Variants in TRMT9B observed in about 807,000 individuals in gnomAD.
TRMT9B encodes tRNA methyltransferase 9B (putative).
In TRMT9B, 16 loss-of-function variants were observed where a neutral mutation model predicts 11.5. That is an observed-to-expected ratio of 1.39 (90% CI 0.94 to 2.11). TRMT9B has a LOEUF of 2.11. TRMT9B is among the 30% of genes most tolerant of loss of function. The probability of loss-of-function intolerance (pLI) is 0.00; values close to 1 mark genes in which losing one functional copy is unlikely to be tolerated. For missense variants in TRMT9B, 941 were observed against 553.8 expected (o/e 1.70, Z -7.02); for synonymous variants, 274 against 192.4 (o/e 1.42, Z -3.51).
intron 3 of TRMT9B, chr8:13,011,278 G>T (rs759156410): frequency 1.4e-5 from 14 of 984,806 alleles, no homozygotes; most frequent in African/African-American, 1.7e-5. Context: ...GAGCCACCGC[G>T]CCAGACCCCA....
chr8:13,016,411 A>G (rs941067831), intron 4 of TRMT9B, among the ~76,000 whole-genome samples: 2 of 148,166 alleles, frequency 1.3e-5, no homozygotes, highest in Admixed American at 1.4e-4. Flanking sequence ...TAATATATAT[A>G]AAAGGAAGTA....
chr8:12,994,510 C>A (rs1026659917), intron 2 of TRMT9B, among the ~76,000 whole-genome samples: 2 of 152,114 alleles, frequency 1.3e-5, no homozygotes, highest in African/African-American at 4.8e-5. Context: ...ACATCAAGTG[C>A]CCGGAGGTGA....
intron 2 of TRMT9B, among the ~76,000 whole-genome samples, chr8:12,996,471 T>C (rs1471971719): frequency 6.6e-6 from 1 of 152,232 alleles, no homozygotes; most frequent in Non-Finnish European, 1.5e-5. Flanking sequence ...CAGCACTTTC[T>C]GTATATACTA....
chr8:13,013,488 T>G (rs979060410), intron 4 of TRMT9B, among the ~76,000 whole-genome samples: 10 of 152,044 alleles, frequency 6.6e-5, no homozygotes, highest in African/African-American at 9.7e-5. Context: ...GGGGAAAAAA[T>G]CCATGCCTGA....
intron 1 of TRMT9B, among the ~76,000 whole-genome samples, chr8:12,969,123 G>A (rs1803227484): frequency 6.6e-6 from 1 of 152,198 alleles, no homozygotes; most frequent in African/African-American, 2.4e-5. Flanking sequence ...TGAGGCAGGA[G>A]AATCGCTTGG....
intron 1 of TRMT9B, among the ~76,000 whole-genome samples, chr8:12,987,221 T>A (rs1299367973): frequency 2.6e-5 from 4 of 152,220 alleles, no homozygotes; most frequent in Admixed American, 2.6e-4. Flanking sequence ...CTCCTTCTTA[T>A]CTGTAAAATG....
intron 1 of TRMT9B, among the ~76,000 whole-genome samples, chr8:12,970,814 C>A (rs1803499012): frequency 6.6e-6 from 1 of 152,120 alleles, no homozygotes; most frequent in Non-Finnish European, 1.5e-5. Flanking sequence ...TTAGTCTGTA[C>A]AGGGTAACAC....
intron 1 of TRMT9B, among the ~76,000 whole-genome samples, chr8:12,956,623 AGTAAT>A (rs532591929): frequency 1.1e-4 from 17 of 152,358 alleles, no homozygotes; most frequent in African/African-American, 3.6e-4. Context: ...AAAGGAAGAA[AGTAAT>A]GTACTGAGAG....
At chr8:12,963,196 G>A (rs1437864474) in intron 1 of TRMT9B, among the ~76,000 whole-genome samples, 4 of 152,162 alleles carry the variant, frequency 2.6e-5, no homozygotes, top group African/African-American at 9.7e-5. Flanking sequence ...CACTTTGGGA[G>A]GCCAAGGTGG....
intron 2 of TRMT9B, among the ~76,000 whole-genome samples, chr8:12,992,902 G>T (rs184957937): frequency 1.6e-3 from 236 of 152,184 alleles, no homozygotes; most frequent in Non-Finnish European, 2.9e-3. Flanking sequence ...GTCCTGGAAT[G>T]GATGATTTTT....
Position 13,021,963 on chromosome 8 carries a change from G to A in TRMT9B, c.1284G>A (p.Val428=), listed in dbSNP as rs776008562. 1 of 1,613,658 alleles carries A rather than the reference G, an allele frequency of 6.2e-7. No homozygotes were observed. The highest frequency in any genetic ancestry group is 1.1e-5 in the South Asian group (1 of 91,016). Residue 428 remains valine, a synonymous_variant, in exon 5 of 5, where the codon GTG becomes GTA. Transcript: ENST00000524591. ...TCTGCAGTCTGCTCAAGGAGAATGTGTCAGAGCTCCGTATCCTGAGTTCTG... is the reference window on the plus strand; with the variant it reads ...TCTGCAGTCTGCTCAAGGAGAATGTATCAGAGCTCCGTATCCTGAGTTCTG... The part of the protein sequence containing the change: ...GELCSLLKEN[V]SELRILSSGN...
chr8:12,974,187 A>G (rs1166490525), intron 1 of TRMT9B, among the ~76,000 whole-genome samples: 1 of 149,258 alleles, frequency 6.7e-6, no homozygotes, highest in African/African-American at 2.5e-5. Flanking sequence ...AGAAAAGAAA[A>G]GGACTTTTCT....
At chr8:12,969,763 C>A (rs1401084740) in intron 1 of TRMT9B, among the ~76,000 whole-genome samples, 2 of 151,798 alleles carry the variant, frequency 1.3e-5, no homozygotes, top group African/African-American at 4.8e-5. Flanking sequence ...CCTCAAGTGC[C>A]TGGGCTCCAG....
chr8:12,984,290 C>G (rs1481412399), intron 1 of TRMT9B, among the ~76,000 whole-genome samples: 1 of 152,122 alleles, frequency 6.6e-6, no homozygotes, highest in African/African-American at 2.4e-5. Context: ...ACTTCTGGTC[C>G]CAAGCACTTT....
At chr8:12,966,068 A>G (rs949555797) in intron 1 of TRMT9B, among the ~76,000 whole-genome samples, 1 of 149,834 alleles carries the variant, frequency 6.7e-6, no homozygotes, top group Non-Finnish European at 1.5e-5. Flanking sequence ...ATGTACACCT[A>G]TAATCCGAGC....
In TRMT9B at chr8:13,025,623, G is replaced by A. The variant is rs147303605; in HGVS notation, c.*3579G>A. On this transcript the variant is annotated 3_prime_UTR_variant, in exon 5 of 5. Coordinates refer to ENST00000524591, the MANE Select transcript of TRMT9B (RefSeq NM_020844.3). ...GGAAAGCGCATTAACATGGACAAAGGATGGAATCAAAATAATGTTATAGTG... is the reference window on the plus strand; with the variant it reads ...GGAAAGCGCATTAACATGGACAAAGAATGGAATCAAAATAATGTTATAGTG... 2.0e-3 allele frequency: 329 copies of A among 167,166 alleles called. 1 individual carries two copies. The highest frequency in any genetic ancestry group is 3.5e-3 in the Admixed American group (53 of 15,300). The allele number at this position is 167,166 out of a possible 1,614,324, so 10.4% of individuals were successfully genotyped here.
chr8:13,005,869 G>A (rs1277594521), intron 2 of TRMT9B, among the ~76,000 whole-genome samples: 1 of 152,172 alleles, frequency 6.6e-6, no homozygotes, highest in Non-Finnish European at 1.5e-5. Flanking sequence ...CAGATACAAT[G>A]GTCTTATCCA....
intron 1 of TRMT9B, among the ~76,000 whole-genome samples, chr8:12,983,321 G>C (rs1013105467): frequency 4.0e-4 from 53 of 133,300 alleles, no homozygotes; most frequent in African/African-American, 1.4e-3. Flanking sequence ...AGAGTTCCAA[G>C]ACAAAAAAAA....
intron 2 of TRMT9B, among the ~76,000 whole-genome samples, chr8:13,003,486 A>G (rs1035196787): frequency 6.6e-6 from 1 of 152,168 alleles, no homozygotes; most frequent in Non-Finnish European, 1.5e-5. Context: ...GAATTTAGCC[A>G]GGTAAAGCAT....
Sources: gnomAD v4.1 joint callset for allele counts (sites outside exome capture counted in the v4.1 genomes callset) on GRCh38, gnomAD v4.1.1 for gene constraint, MANE v1.5 for transcripts, NCBI Gene and HGNC (gene_info 2026-07-23, HGNC 2026-07-21) for gene names.